SLC35F4: variants seen among roughly 807,000 people sequenced by gnomAD.
SLC35F4 encodes solute carrier family 35 member F4.
Under a neutral mutation model 44.2 loss-of-function variants are expected in SLC35F4, and 24 were observed. The ratio of observed to expected loss-of-function variants is 0.54; its 90% CI spans 0.39 to 0.76. The LOEUF (loss-of-function observed/expected upper bound fraction) is 0.76. Ranked by LOEUF, SLC35F4 falls within the 30% of genes least tolerant of loss-of-function variation. SLC35F4 has a pLI of 0.00. For synonymous variants in SLC35F4, 238 were observed against 223.6 expected (o/e 1.06, Z -0.57); for missense variants, 562 against 586.1 (o/e 0.96, Z 0.42).
intron 1 of SLC35F4, among the ~76,000 whole-genome samples, chr14:57,938,316 CA>C (rs1354930552): frequency 6.6e-6 from 1 of 152,032 alleles, no homozygotes; most frequent in Non-Finnish European, 1.5e-5. Context: ...AGTGTTCAGT[CA>C]CAAAGGGGAA....
At chr14:57,692,761 A>G (rs2140337476) in intron 1 of SLC35F4, among the ~76,000 whole-genome samples, 1 of 152,260 alleles carries the variant, frequency 6.6e-6, no homozygotes, top group South Asian at 2.1e-4. Flanking sequence ...AGGAGATACA[A>G]TTTAACTGAA....
At chr14:57,979,855 C>T (rs572719453) in intron 1 of SLC35F4, among the ~76,000 whole-genome samples, 16 of 152,328 alleles carry the variant, frequency 1.1e-4, no homozygotes, top group Admixed American at 3.3e-4. Flanking sequence ...CGTATCTTTC[C>T]CCAACTCCAC....
chr14:57,925,520 A>G (rs1889546373), intron 1 of SLC35F4, among the ~76,000 whole-genome samples: 1 of 27,966 alleles, frequency 3.6e-5, no homozygotes, highest in African/African-American at 1.7e-4. Flanking sequence ...GGAGGGAGGG[A>G]GGGAGGGAGG....
chr14:57,720,157 C>T (rs1484507315), intron 1 of SLC35F4, among the ~76,000 whole-genome samples: 1 of 152,076 alleles, frequency 6.6e-6, no homozygotes, highest in African/African-American at 2.4e-5. Context: ...ATCATTGAAC[C>T]TTCCTTGCAT....
intron 1 of SLC35F4, among the ~76,000 whole-genome samples, chr14:57,795,828 A>G (rs2078041537): frequency 6.6e-6 from 1 of 152,148 alleles, no homozygotes; most frequent in Non-Finnish European, 1.5e-5. Flanking sequence ...GTTTGGGGGT[A>G]CATATGCAGG....
chr14:57,688,488 T>C (rs1182495521), intron 1 of SLC35F4, among the ~76,000 whole-genome samples: 3 of 152,212 alleles, frequency 2.0e-5, no homozygotes, highest in Non-Finnish European at 4.4e-5. Flanking sequence ...TATGGGTTCT[T>C]TATATTGCTT....
intron 3 of SLC35F4, among the ~76,000 whole-genome samples, chr14:57,587,663 C>A (rs996420052): frequency 2.0e-5 from 3 of 152,052 alleles, no homozygotes; most frequent in African/African-American, 7.2e-5. Flanking sequence ...GGGAGAAATA[C>A]CTAATGTAGA....
At chr14:57,719,898 G>C (rs138230144) in intron 1 of SLC35F4, among the ~76,000 whole-genome samples, 2,036 of 152,190 alleles carry the variant, frequency 0.013, 25 homozygotes, top group South Asian at 0.059. Flanking sequence ...GATCTAAGAG[G>C]AAAGGCTTTC....
chr14:57,686,079 G>C (rs2075058810), intron 1 of SLC35F4, among the ~76,000 whole-genome samples: 1 of 152,178 alleles, frequency 6.6e-6, no homozygotes, highest in African/African-American at 2.4e-5. Context: ...GGCTGTGTTT[G>C]AGATGGGCGA....
At chr14:57,598,760 C>A (rs914894974) in intron 1 of SLC35F4, among the ~76,000 whole-genome samples, 1 of 152,140 alleles carries the variant, frequency 6.6e-6, no homozygotes, top group Admixed American at 6.5e-5. Flanking sequence ...TGAAGCTGAG[C>A]CAGAGACCTT....
chr14:57,587,718 C>G (rs1168820997), intron 3 of SLC35F4, among the ~76,000 whole-genome samples: 1 of 151,952 alleles, frequency 6.6e-6, no homozygotes, highest in African/African-American at 2.4e-5. Context: ...ACATGTATAC[C>G]CATGTAACAA....
intron 1 of SLC35F4, among the ~76,000 whole-genome samples, chr14:57,849,381 C>T (rs1038659058): frequency 2.0e-5 from 3 of 152,210 alleles, no homozygotes; most frequent in East Asian, 1.9e-4. Flanking sequence ...AGGCTGGTCT[C>T]GTACTCTCGA....
intron 1 of SLC35F4, among the ~76,000 whole-genome samples, chr14:57,607,024 C>T (rs1417228750): frequency 6.6e-6 from 1 of 152,098 alleles, no homozygotes; most frequent in African/African-American, 2.4e-5. Flanking sequence ...TATGGTCCAG[C>T]AGGGGAAAAG....
intron 1 of SLC35F4, among the ~76,000 whole-genome samples, chr14:57,768,918 A>C (rs1048083710): frequency 7.2e-5 from 11 of 152,054 alleles, no homozygotes; most frequent in African/African-American, 2.7e-4. Flanking sequence ...ACGCCAGGCT[A>C]ATTTTTGTAT....
intron 1 of SLC35F4, among the ~76,000 whole-genome samples, chr14:57,787,054 A>G (rs2077781581): frequency 6.6e-6 from 1 of 152,210 alleles, no homozygotes; most frequent in Admixed American, 6.5e-5. Context: ...AAGGAAATAG[A>G]GAGCTTAAAG....
rs150885923 is a variant in SLC35F4 at position 57,667,852 on chromosome 14, A to C, written c.104-73728T>G. On this transcript the variant is annotated intron_variant, in intron 1 of 7. Coordinates refer to ENST00000556826, the MANE Select transcript of SLC35F4 (RefSeq NM_001306087.2). ...ATAATTCTTTGGGTATATACCCAGTAATGGGATGGCTGAGTCAAATGGTAT... is the reference window on the plus strand; with the variant it reads ...ATAATTCTTTGGGTATATACCCAGTCATGGGATGGCTGAGTCAAATGGTAT... 2.3e-3 allele frequency among the ~76,000 whole-genome samples: 341 copies of C among 149,242 alleles called. 11 individuals carry two copies. The East Asian group carries it at 0.061, about 26-fold the overall frequency.
At chr14:57,651,537 A>G (rs2073784119) in intron 1 of SLC35F4, among the ~76,000 whole-genome samples, 1 of 152,024 alleles carries the variant, frequency 6.6e-6, no homozygotes, top group Non-Finnish European at 1.5e-5. Context: ...GTTTCCAAAG[A>G]ACCACCTCTG....
intron 1 of SLC35F4, among the ~76,000 whole-genome samples, chr14:57,801,500 A>G (rs1335010764): frequency 6.6e-6 from 1 of 152,220 alleles, no homozygotes; most frequent in East Asian, 1.9e-4. Flanking sequence ...TGACAAAAGC[A>G]CACATAACAA....
Position 57,741,756 on chromosome 14 carries a change from C to T in SLC35F4, c.103+123967G>A, listed in dbSNP as rs1284206742. On this transcript the variant is annotated intron_variant, in intron 1 of 7. Coordinates refer to ENST00000556826, the MANE Select transcript of SLC35F4 (RefSeq NM_001306087.2). ...AGAGAATGCAATGAGAAGAGCAACT[C>T]CAAGGCACATAATTGTCAGATTCAC... Among the ~76,000 whole-genome samples the T allele has an allele frequency of 7.2e-5, 11 of 152,164 alleles. No individual in the cohort carries two copies. In the South Asian group the frequency reaches 2.1e-3, roughly 29 times the overall value.
Sources: allele counts gnomAD v4.1 joint callset (sites outside exome capture counted in the v4.1 genomes callset), GRCh38; gene constraint gnomAD v4.1.1; transcripts MANE v1.5; gene names NCBI Gene and HGNC (gene_info 2026-07-23, HGNC 2026-07-21).